FRMPD4: variants seen among roughly 807,000 people sequenced by gnomAD.
FRMPD4 encodes the protein FERM and PDZ domain-containing protein 4.
Under a neutral mutation model 94.1 loss-of-function variants are expected in FRMPD4, and 22 were observed. The ratio of observed to expected loss-of-function variants is 0.23; its 90% CI spans 0.17 to 0.33. The LOEUF (loss-of-function observed/expected upper bound fraction) is 0.33, where lower values mean the gene tolerates loss of function less well. Ranked by LOEUF, FRMPD4 falls within the 10% of genes least tolerant of loss-of-function variation. The pLI is 1.00. For synonymous variants in FRMPD4, 631 were observed against 548.6 expected, an observed-to-expected ratio of 1.15 and a Z score of -2.10; for missense variants, 1,111 against 1,339.9, an observed-to-expected ratio of 0.83 and a Z score of 2.67.
chrX:11,887,461 T>A (rs1391839338), intron 3 of FRMPD4, among the ~76,000 whole-genome samples: 1 of 112,189 alleles, frequency 8.9e-6, no homozygotes, highest in African/African-American at 3.2e-5. Flanking sequence ...CCCTCCAGTA[T>A]GAACCTATAA....
chrX:12,439,391 A>T (rs189462343), intron 1 of FRMPD4, among the ~76,000 whole-genome samples: 1 of 111,590 alleles, frequency 9.0e-6, no homozygotes, highest in African/African-American at 3.3e-5. Flanking sequence ...AATAGGGTCA[A>T]ATCTCAGGCT....
chrX:11,933,162 G>A (rs987233473), intron 3 of FRMPD4, among the ~76,000 whole-genome samples: 2 of 112,485 alleles, frequency 1.8e-5, no homozygotes, highest in Admixed American at 9.4e-5. Flanking sequence ...GCTGACTTAG[G>A]TTCCAGCCCT....
intron 3 of FRMPD4, among the ~76,000 whole-genome samples, chrX:11,999,861 G>A (rs996307501): frequency 9.0e-6 from 1 of 111,178 alleles, no homozygotes; most frequent in African/African-American, 3.3e-5. Flanking sequence ...TGTGCATGCT[G>A]CTGATGGCTC....
At chrX:12,700,713 A>G (rs2060179701) in intron 9 of FRMPD4, among the ~76,000 whole-genome samples, 1 of 112,539 alleles carries the variant, frequency 8.9e-6, no homozygotes. Flanking sequence ...CCAAGGTACC[A>G]ATGTGCTGTG....
chrX:12,412,939 T>C, intron 1 of FRMPD4, among the ~76,000 whole-genome samples: 1 of 110,355 alleles, frequency 9.1e-6, no homozygotes, highest in Non-Finnish European at 1.9e-5. Context: ...GGCCAATGCC[T>C]CCATGGGTAG....
At chrX:12,038,978 T>C (rs974541161) in intron 3 of FRMPD4, among the ~76,000 whole-genome samples, 1 of 109,252 alleles carries the variant, frequency 9.2e-6, no homozygotes, top group Non-Finnish European at 1.9e-5. Context: ...TTTTTTCTAA[T>C]TTCTTTCTCT....
intron 2 of FRMPD4, among the ~76,000 whole-genome samples, chrX:12,544,425 A>G (rs931495977): frequency 9.0e-6 from 1 of 111,691 alleles, no homozygotes; most frequent in Admixed American, 9.5e-5. Context: ...AGCATATACA[A>G]CCCCAAGTTT....
chrX:12,652,138 C>T (rs1356900425), intron 4 of FRMPD4, among the ~76,000 whole-genome samples: 1 of 112,309 alleles, frequency 8.9e-6, no homozygotes, highest in African/African-American at 3.2e-5. Context: ...TGGCCCTCTA[C>T]CTAATTTATT....
intron 1 of FRMPD4, among the ~76,000 whole-genome samples, chrX:12,420,306 C>G (rs112566387): frequency 4.5e-5 from 5 of 112,226 alleles, no homozygotes; most frequent in African/African-American, 1.6e-4. Context: ...TAACTTCTAA[C>G]ACTGTCCCAC....
At chrX:11,862,963 T>G (rs1424935198) in intron 1 of FRMPD4, among the ~76,000 whole-genome samples, 1 of 91,275 alleles carries the variant, frequency 1.1e-5, no homozygotes, top group East Asian at 3.3e-4. Context: ...GAACTTGGTT[T>G]TTTTTTTTTT....
chrX:12,215,142 C>T (rs1334216115), intron 1 of FRMPD4, among the ~76,000 whole-genome samples: 3 of 111,624 alleles, frequency 2.7e-5, no homozygotes, highest in East Asian at 2.8e-4. Context: ...GGTAGTGAGT[C>T]GGTGTGAGAC....
At chrX:12,191,324 A>AAT (rs1439300995) in intron 1 of FRMPD4, among the ~76,000 whole-genome samples, 1 of 112,246 alleles carries the variant, frequency 8.9e-6, no homozygotes, top group African/African-American at 3.2e-5. Flanking sequence ...GCCACTTTAG[A>AAT]AGACATTTTG....
chrX:12,609,767 T>A lies in FRMPD4; in HGVS notation c.205T>A (p.Cys69Ser). Residue 69 changes from cysteine to serine, a missense_variant, in exon 3 of 17, where the codon TGC becomes AGC. Coordinates refer to ENST00000675598, the MANE Select transcript of FRMPD4 (RefSeq NM_001368397.1). ...TTTTGACGACCCTCGGTTAGAGAGC[T>A]GCCAAATCATCCCTCCGGCTCCTCG... ...IPFDDPRLES[C>S]QIIPPAPRKV... 8.3e-7 allele frequency: 1 copy of A among 1,208,400 alleles called. No homozygotes were observed. Among genetic ancestry groups the A allele is most frequent in the Non-Finnish European group, 1.1e-6 (1 of 892,284 alleles).
intron 1 of FRMPD4, among the ~76,000 whole-genome samples, chrX:12,169,093 A>G (rs1416237314): frequency 8.9e-6 from 1 of 112,305 alleles, no homozygotes; most frequent in Non-Finnish European, 1.9e-5. Flanking sequence ...ACATGTTAGG[A>G]GAGAATAATA....
In FRMPD4 at chrX:12,544,487, G is replaced by A. The variant is rs1418414294; in HGVS notation, c.158+45691G>A. 3.6e-5 allele frequency among the ~76,000 whole-genome samples: 4 copies of A among 111,565 alleles called. No individual in the cohort carries two copies. The Admixed American group carries it at 3.8e-4, about 11-fold the overall frequency. Reference sequence around the variant, plus strand: ...CGATACAATGTTTTTAAGTGTCTTGGTTATTTCTGTTCTCATTTTTAAAGC... The same window carrying A: ...CGATACAATGTTTTTAAGTGTCTTGATTATTTCTGTTCTCATTTTTAAAGC... On this transcript the variant is annotated intron_variant, in intron 2 of 16. Coordinates refer to ENST00000675598, the MANE Select transcript of FRMPD4 (RefSeq NM_001368397.1).
At chrX:11,999,150 G>A (rs893490183) in intron 3 of FRMPD4, among the ~76,000 whole-genome samples, 2 of 111,108 alleles carry the variant, frequency 1.8e-5, no homozygotes, top group Non-Finnish European at 3.8e-5. Context: ...CCTCCTGGAG[G>A]GGGCTTGGAA....
At chrX:12,137,045 A>G (rs889773526), upstream of FRMPD4, among the ~76,000 whole-genome samples, 28 of 111,732 alleles carry the variant, frequency 2.5e-4, no homozygotes, top group Non-Finnish European at 4.7e-4. Flanking sequence ...CCAATGCAAA[A>G]AAAAGCTTTA....
At chrX:12,710,676 G>A in intron 14 of FRMPD4, 139 bp downstream of exon 14, 1 of 489,834 alleles carries the variant, frequency 2.0e-6, no homozygotes. Flanking sequence ...GGGAGGCCAA[G>A]GCAGGCGGAT....
intron 3 of FRMPD4, among the ~76,000 whole-genome samples, chrX:11,990,014 C>A (rs2054455536): frequency 8.9e-6 from 1 of 111,832 alleles, no homozygotes; most frequent in Non-Finnish European, 1.9e-5. Flanking sequence ...CATACATGTT[C>A]ATAATAGCAC....
Sources: allele counts gnomAD v4.1 joint callset (sites outside exome capture counted in the v4.1 genomes callset), GRCh38; gene constraint gnomAD v4.1.1; transcripts MANE v1.5; gene names NCBI Gene and HGNC (gene_info 2026-07-23, HGNC 2026-07-21).